The following STXBP2 variants were observed in gnomAD, a reference collection of about 807,000 sequenced individuals.
The protein encoded by STXBP2 is syntaxin binding protein 2, also known as syntaxin-binding protein 2.
STXBP2 carries 47 observed loss-of-function variants against 72.2 expected under a neutral mutation model. The observed-to-expected ratio is 0.65, with a 90% confidence interval of 0.51 to 0.83. The LOEUF (loss-of-function observed/expected upper bound fraction) is 0.83, where lower values mean the gene tolerates loss of function less well. Ranked by LOEUF, STXBP2 falls within the 40% of genes least tolerant of loss-of-function variation. The pLI is 0.00. For missense variants in STXBP2, 702 were observed against 807.6 expected, an observed-to-expected ratio of 0.87 and a Z score of 1.58; for synonymous variants, 367 against 338.7, an observed-to-expected ratio of 1.08 and a Z score of -0.92.
At chr19:7,646,538 G>C in intron 16 of STXBP2, 194 bp downstream of exon 16, 1 of 651,932 alleles carries the variant, frequency 1.5e-6, no homozygotes. Context: ...AGCGGGGCCT[G>C]TGCTGGGGAG....
intron 14 of STXBP2, 83 bp downstream of exon 14, chr19:7,644,835 C>T (rs1291328876): frequency 6.2e-7 from 1 of 1,601,362 alleles, no homozygotes. Context: ...CCCCACAGCT[C>T]TCCTTGGGTC....
chr19:7,643,979 C>A (rs1234733143), intron 13 of STXBP2, among the ~76,000 whole-genome samples: 1 of 146,246 alleles, frequency 6.8e-6, no homozygotes, highest in Non-Finnish European at 1.5e-5. Flanking sequence ...AGGCACGGGG[C>A]CTTGGAGAGG....
intron 7 of STXBP2, 78 bp downstream of exon 7, chr19:7,641,931 G>T: frequency 6.5e-7 from 1 of 1,529,798 alleles, no homozygotes; most frequent in Non-Finnish European, 8.8e-7. Flanking sequence ...AACCTCTCTT[G>T]TGACCCCAGC....
chr19:7,633,043 C>G (rs535934746), upstream of STXBP2: 349 of 1,412,464 alleles, frequency 2.5e-4, 3 homozygotes, highest in East Asian at 8.6e-3. Flanking sequence ...GGGCCCTGGC[C>G]AGCAGTGCCA....
At chr19:7,647,006 C>G (rs893330144) in intron 16 of STXBP2, 156 bp from the exon 17 acceptor site, 2 of 689,154 alleles carry the variant, frequency 2.9e-6, no homozygotes, top group African/African-American at 3.6e-5. Context: ...CCCCAATGGA[C>G]TAGAGGCCTA....
At chr19:7,635,045 A>C (rs1313333054), upstream of STXBP2, among the ~76,000 whole-genome samples, 1 of 152,236 alleles carries the variant, frequency 6.6e-6, no homozygotes, top group African/African-American at 2.4e-5. Flanking sequence ...TATCTATACT[A>C]ACCCCATTTC....
At position 7,641,464 on chromosome 19, in the gene STXBP2, G is replaced by C. The variant is rs780859158; in HGVS notation, c.430-241G>C. Reference sequence around the variant, plus strand: ...GTTCTATCCCACTAGGCCCTTGCAGGGGGCAGCGTAGAGCGCACCGCGGGG... The same window carrying C: ...GTTCTATCCCACTAGGCCCTTGCAGCGGGCAGCGTAGAGCGCACCGCGGGG... On this transcript the variant is annotated intron_variant, in intron 6 of 18. Coordinates refer to ENST00000221283, the MANE Select transcript of STXBP2 (RefSeq NM_006949.4). Among the ~76,000 whole-genome samples the C allele has an allele frequency of 6.6e-4, 100 of 152,294 alleles. 2 individuals are homozygous for C. Among genetic ancestry groups the C allele is most frequent in the Non-Finnish European group, 7.4e-5 (5 of 68,008 alleles).
rs1599398298 is a variant in STXBP2, at chr19:7,642,230, CTGA to C, written c.693_695del (p.Ile232del). 6.2e-7 allele frequency: 1 copy of C among 1,614,170 alleles called. No individual in the cohort carries two copies. The highest frequency in any genetic ancestry group is 8.5e-7 in the Non-Finnish European group (1 of 1,180,016). On this transcript the variant is annotated inframe_deletion, in exon 9 of 19. Coordinates refer to ENST00000221283, the MANE Select transcript of STXBP2 (RefSeq NM_006949.4). This position sits in a 1 kb window ranked among gnomAD's most constrained non-coding sequence, Gnocchi z 6.0. ...CCCAGAGAAAACCCGCTCCCAGCTG[CTGA>C]TAATGGACCGGGCAGCTGACCCCGT...
chr19:7,633,312 C>G (rs2031409333), upstream of STXBP2: 1 of 1,258,208 alleles, frequency 7.9e-7, no homozygotes, highest in African/African-American at 1.5e-5. Context: ...TCCTAGGAGA[C>G]TCACTCGTTA....
At chr19:7,640,013 T>C (rs1400784416) in intron 4 of STXBP2, 3 of 681,674 alleles carry the variant, frequency 4.4e-6, no homozygotes, top group Non-Finnish European at 7.9e-6. Context: ...TGTATGTGTC[T>C]GTGTGCATGT....
upstream of STXBP2, chr19:7,633,399 C>T (rs761451658): frequency 2.6e-6 from 4 of 1,564,676 alleles, no homozygotes; most frequent in Admixed American, 3.8e-5. Flanking sequence ...GGGGCAGGGC[C>T]CTCTCACCTC....
chr19:7,635,163 C>T (rs117165461), upstream of STXBP2, among the ~76,000 whole-genome samples: 4 of 152,192 alleles, frequency 2.6e-5, no homozygotes, highest in Non-Finnish European at 5.9e-5. Flanking sequence ...AGGGGTCAGG[C>T]TGAGAAGCTG....
chr19:7,641,263 AT>A, intron 6 of STXBP2: 1 of 538,026 alleles, frequency 1.9e-6, no homozygotes, highest in Non-Finnish European at 3.4e-6. Flanking sequence ...CTAGCTACTC[AT>A]GGGGCTGGGG....
chr19:7,640,978 T>C lies in STXBP2; in HGVS notation c.404T>C (p.Leu135Pro). ...GTGAAGACGTTGAAGGAGATTCACCTTGCCTTCCTCCCCTACGAGGCCCAG... is the reference window on the plus strand; with the variant it reads ...GTGAAGACGTTGAAGGAGATTCACCCTGCCTTCCTCCCCTACGAGGCCCAG... ...KVVKTLKEIH[L>P]AFLPYEAQVF... Residue 135 changes from leucine to proline, a missense_variant, in exon 6 of 19, where the codon CTT (leucine) becomes CCT (proline). Leu to Pro is a moderately conservative substitution (Grantham distance 98). Coordinates refer to ENST00000221283, the MANE Select transcript of STXBP2 (RefSeq NM_006949.4). The C allele has an allele frequency of 2.5e-6, 4 of 1,614,154 alleles. No homozygotes were observed. The highest frequency in any genetic ancestry group is 3.4e-6 in the Non-Finnish European group (4 of 1,180,004).
chr19:7,640,958 G>A lies in STXBP2; in HGVS notation c.384G>A (p.Lys128=), dbSNP rs750463059. 6.2e-7 allele frequency: 1 copy of A among 1,614,198 alleles called. No individual in the cohort carries two copies. Among genetic ancestry groups the A allele is most frequent in the Non-Finnish European group, 8.5e-7 (1 of 1,180,020 alleles). Residue 128 remains lysine (K), a synonymous_variant, in exon 6 of 19, where the codon AAG becomes AAA. Coordinates refer to ENST00000221283, the MANE Select transcript of STXBP2 (RefSeq NM_006949.4). ...LGRSRLAKVV[K]TLKEIHLAFL... ...GCTCTCGTCTGGCAAAGGTGGTGAA[G>A]ACGTTGAAGGAGATTCACCTTGCCT...
upstream of STXBP2, chr19:7,633,301 G>T: frequency 1.7e-6 from 2 of 1,164,908 alleles, no homozygotes; most frequent in Non-Finnish European, 2.5e-6. Flanking sequence ...GGGTCAGGGG[G>T]TCCTAGGAGA....
intron 5 of STXBP2, 33 bp from the exon 6 acceptor site, chr19:7,640,867 C>G: frequency 2.5e-6 from 4 of 1,613,638 alleles, no homozygotes; most frequent in East Asian, 2.2e-5. Context: ...GGGGGCTGCT[C>G]TGGCCTGATG....
At chr19:7,638,474 C>A (rs1024568062) in intron 1 of STXBP2, among the ~76,000 whole-genome samples, 1 of 152,108 alleles carries the variant, frequency 6.6e-6, no homozygotes, top group Admixed American at 6.6e-5. Flanking sequence ...GTGGTACATG[C>A]ACCTGTAGTC....
At chr19:7,638,113 A>T (rs905035377) in intron 1 of STXBP2, among the ~76,000 whole-genome samples, 4 of 152,240 alleles carry the variant, frequency 2.6e-5, no homozygotes, top group African/African-American at 7.2e-5. Flanking sequence ...CGCTAGAGGC[A>T]GATAGAGCTG....
Sources: allele counts gnomAD v4.1 joint callset (sites outside exome capture counted in the v4.1 genomes callset), GRCh38; gene constraint gnomAD v4.1.1; non-coding constraint Gnocchi (gnomAD v3.1); transcripts MANE v1.5; gene names NCBI Gene and HGNC (gene_info 2026-07-23, HGNC 2026-07-21).